Variants in RHOBTB1 observed in about 807,000 individuals in gnomAD.
The protein encoded by RHOBTB1 is Rho related BTB domain containing 1, also known as rho-related BTB domain-containing protein 1.
In RHOBTB1, 40 loss-of-function variants were observed where a neutral mutation model predicts 71.6. The observed-to-expected ratio is 0.56, with a 90% CI of 0.43 to 0.73. The LOEUF (loss-of-function observed/expected upper bound fraction) is 0.73, where lower values mean the gene tolerates loss of function less well. RHOBTB1 is among the 30% of genes least tolerant of loss of function. The pLI is 0.00. For missense variants in RHOBTB1, 797 were observed against 894.0 expected, an observed-to-expected ratio of 0.89 and a Z score of 1.38; for synonymous variants, 319 against 334.9, an observed-to-expected ratio of 0.95 and a Z score of 0.52.
At chr10:60,928,921 C>G (rs1283041931) in intron 2 of RHOBTB1, among the ~76,000 whole-genome samples, 2 of 152,150 alleles carry the variant, frequency 1.3e-5, no homozygotes, top group East Asian at 3.9e-4. Flanking sequence ...CACAGTTCTA[C>G]AGGCAGTACA....
chr10:60,930,203 A>G (rs142302839), intron 2 of RHOBTB1, among the ~76,000 whole-genome samples: 138 of 152,346 alleles, frequency 9.1e-4, no homozygotes, highest in African/African-American at 3.1e-3. Context: ...ACCTATGACA[A>G]GTGAGGGAAT....
At chr10:61,001,920 A>G (rs1467253174), upstream of RHOBTB1, among the ~76,000 whole-genome samples, 5 of 152,214 alleles carry the variant, frequency 3.3e-5, no homozygotes, top group East Asian at 9.6e-4. Context: ...AAGTCTGGGG[A>G]AAGTTTCTGG....
At chr10:60,918,425 C>G (rs578091674) in intron 2 of RHOBTB1, among the ~76,000 whole-genome samples, 4 of 152,210 alleles carry the variant, frequency 2.6e-5, no homozygotes, top group African/African-American at 4.8e-5. Flanking sequence ...TGCCCACTCC[C>G]TCACTCACAA....
At chr10:60,950,391 A>G (rs112259086) in intron 2 of RHOBTB1, among the ~76,000 whole-genome samples, 1 of 152,240 alleles carries the variant, frequency 6.6e-6, no homozygotes, top group Non-Finnish European at 1.5e-5. Flanking sequence ...AATAAATTAC[A>G]TTTATGTGTC....
downstream of RHOBTB1, among the ~76,000 whole-genome samples, chr10:60,868,721 C>G (rs2080655068): frequency 6.6e-6 from 1 of 152,102 alleles, no homozygotes; most frequent in Non-Finnish European, 1.5e-5. Context: ...TGCTGACATC[C>G]CTGATGATTT....
intron 1 of RHOBTB1, among the ~76,000 whole-genome samples, chr10:60,994,894 G>C (rs577367122): frequency 3.6e-4 from 54 of 151,872 alleles, no homozygotes; most frequent in African/African-American, 1.3e-3. Flanking sequence ...CAATCACCCT[G>C]TCACAGTTGA....
intron 2 of RHOBTB1, among the ~76,000 whole-genome samples, chr10:60,919,240 C>G (rs1249380185): frequency 6.6e-6 from 1 of 152,156 alleles, no homozygotes; most frequent in African/African-American, 2.4e-5. Context: ...AGTAATTTAG[C>G]TCAGCCATTA....
chr10:61,000,399 A>G (rs1273841434), intron 1 of RHOBTB1, among the ~76,000 whole-genome samples: 4 of 152,184 alleles, frequency 2.6e-5, no homozygotes, highest in Middle Eastern at 3.2e-3. Flanking sequence ...GGCCAACACC[A>G]GGGGAGACCT....
intron 2 of RHOBTB1, among the ~76,000 whole-genome samples, chr10:60,965,535 T>C (rs986940612): frequency 1.3e-5 from 2 of 152,110 alleles, no homozygotes; most frequent in African/African-American, 4.8e-5. Context: ...TCAATACATA[T>C]TTGTAAGAGA....
intron 5 of RHOBTB1, among the ~76,000 whole-genome samples, chr10:60,890,879 T>A (rs1004642619): frequency 6.6e-6 from 1 of 152,212 alleles, no homozygotes; most frequent in Admixed American, 6.5e-5. Context: ...TACCAACTGA[T>A]GAAACTCTTC....
At chr10:60,889,317 T>C (rs2132658643) in intron 5 of RHOBTB1, 132 bp from the exon 6 acceptor site, 5 of 802,942 alleles carry the variant, frequency 6.2e-6, no homozygotes, top group Non-Finnish European at 9.3e-6. Flanking sequence ...TGGAAAAATC[T>C]GCCACCACCT....
chr10:60,886,723 GGGGT>G (rs2081599230), intron 6 of RHOBTB1, among the ~76,000 whole-genome samples: 2 of 142,304 alleles, frequency 1.4e-5, no homozygotes, highest in African/African-American at 2.6e-5. Context: ...GATGTGGGGG[GGGGT>G]GGGTCTGGCT....
chr10:60,946,393 T>C (rs1369726748), upstream of RHOBTB1, among the ~76,000 whole-genome samples: 1 of 152,110 alleles, frequency 6.6e-6, no homozygotes, highest in Non-Finnish European at 1.5e-5. Flanking sequence ...TCAAAAGAAA[T>C]GGGAATCAAC....
Position 60,888,682 on chromosome 10 carries a change from G to T in RHOBTB1, c.986C>A (p.Pro329Gln). ...CGGGCCCTCCTCCCTTTCTTCCTCT[G>T]GGTCGACACTCAATATCCGCCCCTG... ...DFQGRILSVD[P>Q]EEEREEGPPR... Residue 329 changes from proline (P) to glutamine (Q), a missense_variant, in exon 6 of 11, where the codon CCA becomes CAA. Transcript: ENST00000337910. The T allele has an allele frequency of 6.2e-7, 1 of 1,614,190 alleles. No homozygotes were observed.
chr10:60,903,464 G>C (rs891237413), intron 4 of RHOBTB1, among the ~76,000 whole-genome samples: 1 of 152,154 alleles, frequency 6.6e-6, no homozygotes, highest in African/African-American at 2.4e-5. Flanking sequence ...CAGAGGTCAC[G>C]TGCATGCTGC....
chr10:60,933,070 G>T (rs1354461017), intron 2 of RHOBTB1, among the ~76,000 whole-genome samples: 1 of 152,196 alleles, frequency 6.6e-6, no homozygotes, highest in Admixed American at 6.5e-5. Context: ...ACTTTTTTCA[G>T]GTTTTCACAG....
chr10:60,883,075 T>C, intron 7 of RHOBTB1, among the ~76,000 whole-genome samples: 1 of 152,166 alleles, frequency 6.6e-6, no homozygotes, highest in East Asian at 1.9e-4. Context: ...TATTATAGTT[T>C]ACACAGGAAA....
chr10:60,927,714 C>G (rs148629420), intron 2 of RHOBTB1, among the ~76,000 whole-genome samples: 9 of 152,118 alleles, frequency 5.9e-5, no homozygotes, highest in African/African-American at 2.2e-4. Flanking sequence ...AAAATTAAAT[C>G]AAAATAGATT....
At chr10:60,916,523 C>T (rs985394333) in intron 2 of RHOBTB1, among the ~76,000 whole-genome samples, 2 of 152,130 alleles carry the variant, frequency 1.3e-5, no homozygotes, top group Non-Finnish European at 2.9e-5. Flanking sequence ...CAGAAACATA[C>T]CCATTAATAC....
Sources: gnomAD v4.1 joint callset for allele counts (sites outside exome capture counted in the v4.1 genomes callset) on GRCh38, gnomAD v4.1.1 for gene constraint, MANE v1.5 for transcripts, NCBI Gene and HGNC (gene_info 2026-07-23, HGNC 2026-07-21) for gene names.